PATJ: variants seen among roughly 807,000 people sequenced by gnomAD.
PATJ encodes inaD-like protein.
A neutral mutation model predicts 224.9 loss-of-function variants in PATJ; 190 were observed. That is an observed-to-expected ratio of 0.84 (90% CI 0.75 to 0.95). The LOEUF is 0.95. Ranked by LOEUF, PATJ falls within the 40% of genes least tolerant of loss-of-function variation. The pLI is 0.00. For missense variants in PATJ, 2,121 were observed against 2,270.3 expected (o/e 0.93, Z 1.34); for synonymous variants, 769 against 820.3 (o/e 0.94, Z 1.07).
intron 38 of PATJ, among the ~76,000 whole-genome samples, chr1:62,122,319 C>A (rs1007407859): frequency 7.0e-6 from 1 of 143,634 alleles, no homozygotes; most frequent in East Asian, 2.1e-4. Flanking sequence ...GAGCTAAGAT[C>A]GGACCACTGC....
intron 30 of PATJ, among the ~76,000 whole-genome samples, chr1:62,044,830 A>G (rs1293032538): frequency 6.6e-6 from 1 of 152,208 alleles, no homozygotes; most frequent in African/African-American, 2.4e-5. Context: ...CATGTGGTAA[A>G]CAAGGTTTTG....
intron 14 of PATJ, among the ~76,000 whole-genome samples, chr1:61,811,924 G>A (rs1401596132): frequency 1.3e-5 from 2 of 151,708 alleles, no homozygotes; most frequent in South Asian, 2.1e-4. Flanking sequence ...AGCCGGGCGT[G>A]GTGGCGGGCG....
chr1:61,783,105 G>C (rs1647686709), intron 7 of PATJ, among the ~76,000 whole-genome samples: 1 of 152,198 alleles, frequency 6.6e-6, no homozygotes, highest in Admixed American at 6.5e-5. Flanking sequence ...GAGTAAGGAA[G>C]GCCCAGCTTG....
intron 26 of PATJ, among the ~76,000 whole-genome samples, chr1:61,921,334 G>T (rs926461911): frequency 1.3e-5 from 2 of 152,156 alleles, no homozygotes; most frequent in Non-Finnish European, 2.9e-5. Flanking sequence ...AACTGGATTG[G>T]CCACTGTCTT....
At chr1:62,046,318 T>C (rs1652566862) in intron 30 of PATJ, among the ~76,000 whole-genome samples, 1 of 152,202 alleles carries the variant, frequency 6.6e-6, no homozygotes, top group Non-Finnish European at 1.5e-5. Context: ...CAACTTTAGC[T>C]CTACTTGTAA....
At chr1:62,095,917 T>C (rs1162157755) in intron 33 of PATJ, among the ~76,000 whole-genome samples, 1 of 152,180 alleles carries the variant, frequency 6.6e-6, no homozygotes, top group East Asian at 1.9e-4. Context: ...TGTTGGTTCA[T>C]TAACATTGAA....
At position 61,927,886 on chromosome 1, in the gene PATJ, C is replaced by T. The variant is rs976712210; in HGVS notation, c.3670+57C>T. On this transcript the variant is annotated intron_variant, in intron 27 of 43. Transcript: ENST00000642238. ...CAGAACTTATTAAATTATGTTTTAA[C>T]GACTGTTGTAAATTATCAAATATAT... The T allele has an allele frequency of 1.0e-4, 126 of 1,207,072 alleles. 1 individual carries two copies. In the East Asian group the frequency reaches 1.4e-3, roughly 14 times the overall value. 74.8% of individuals were successfully genotyped at this position (1,207,072 alleles called of 1,614,324 possible). A position where few individuals can be genotyped will look rare whatever the true frequency, so the allele number is the denominator to read the frequency against.
intron 33 of PATJ, among the ~76,000 whole-genome samples, chr1:62,103,178 C>A (rs114149814): frequency 1.1e-4 from 17 of 152,198 alleles, no homozygotes; most frequent in African/African-American, 3.6e-4. Context: ...TGTACAAGTA[C>A]AAAATCAAAT....
chr1:61,856,165 C>T lies in PATJ; in HGVS notation c.2248C>T (p.Leu750Phe), dbSNP rs1663629775. The T allele has an allele frequency of 6.2e-7, 1 of 1,614,078 alleles. No individual in the cohort carries two copies. Among genetic ancestry groups the T allele is most frequent in the Admixed American group, 1.7e-5 (1 of 60,002 alleles). Residue 750 changes from leucine (L) to phenylalanine (F), a missense_variant, in exon 18 of 44, where the codon CTT becomes TTT. Leu to Phe is a conservative substitution (Grantham distance 22). Transcript: ENST00000642238. ...VNEYCLDNTS[L>F]AEAVEILKAV... is the part of the protein sequence containing the mutation. ...TGAATACTGTTTGGACAACACCTCA[C>T]TTGCTGAAGCTGTGGAAATATTGAA...
At chr1:61,909,284 A>G (rs567356475) in intron 25 of PATJ, among the ~76,000 whole-genome samples, 3 of 152,072 alleles carry the variant, frequency 2.0e-5, no homozygotes, top group African/African-American at 4.8e-5. Context: ...CTGACCTACA[A>G]TTTTTCTTCT....
chr1:61,964,942 T>A (rs931404788), intron 27 of PATJ, among the ~76,000 whole-genome samples: 2 of 151,374 alleles, frequency 1.3e-5, no homozygotes, highest in African/African-American at 4.9e-5. Flanking sequence ...TGAAACCCCA[T>A]CTCTACTAAA....
chr1:61,929,034 T>C (rs975689497), intron 27 of PATJ, among the ~76,000 whole-genome samples: 6 of 152,232 alleles, frequency 3.9e-5, no homozygotes, highest in Non-Finnish European at 8.8e-5. Context: ...GAAGGGATAA[T>C]GCAAAGGCAT....
At chr1:61,818,187 A>G (rs558542646) in intron 14 of PATJ, among the ~76,000 whole-genome samples, 1 of 152,330 alleles carries the variant, frequency 6.6e-6, no homozygotes, top group East Asian at 1.9e-4. Flanking sequence ...AGCCTTCTTG[A>G]TCTCATTTGA....
intron 28 of PATJ, among the ~76,000 whole-genome samples, chr1:62,006,266 C>T (rs924582148): frequency 5.9e-5 from 9 of 152,248 alleles, no homozygotes; most frequent in Admixed American, 3.3e-4. Context: ...AGGCGCATGC[C>T]GCCACACCCC....
chr1:61,979,158 A>G (rs901248280), intron 27 of PATJ, among the ~76,000 whole-genome samples: 3 of 152,072 alleles, frequency 2.0e-5, no homozygotes, highest in South Asian at 2.1e-4. Context: ...ATGTTCATTC[A>G]GGGATACTGG....
chr1:62,091,933 A>G (rs143671588), intron 33 of PATJ, among the ~76,000 whole-genome samples: 12,510 of 150,362 alleles, frequency 0.083, 972 homozygotes, highest in African/African-American at 0.21. Flanking sequence ...GCACGTGGCT[A>G]TAGTCCCAGC....
At chr1:61,888,100 A>G (rs1669128350) in intron 22 of PATJ, among the ~76,000 whole-genome samples, 1 of 152,192 alleles carries the variant, frequency 6.6e-6, no homozygotes, top group Non-Finnish European at 1.5e-5. Flanking sequence ...TGCAAAAGCC[A>G]GGCCGGTATG....
intron 22 of PATJ, among the ~76,000 whole-genome samples, chr1:61,890,882 A>T (rs940762599): frequency 1.4e-4 from 21 of 152,186 alleles, no homozygotes; most frequent in African/African-American, 5.1e-4. Flanking sequence ...GGATGCATTT[A>T]ACAGGCTTAA....
intron 31 of PATJ, among the ~76,000 whole-genome samples, chr1:62,074,219 AGG>A (rs1353004860): frequency 1.4e-5 from 1 of 73,850 alleles, no homozygotes. Flanking sequence ...TAGTGGGGGG[AGG>A]GGGGAGGGAT....
Sources: gnomAD v4.1 joint callset for allele counts (sites outside exome capture counted in the v4.1 genomes callset) on GRCh38, gnomAD v4.1.1 for gene constraint, MANE v1.5 for transcripts, NCBI Gene and HGNC (gene_info 2026-07-23, HGNC 2026-07-21) for gene names.